The following MINDY3 variants were observed in gnomAD, a reference collection of about 807,000 sequenced individuals.
The protein encoded by MINDY3 is ubiquitin carboxyl-terminal hydrolase MINDY-3.
In MINDY3, 38 loss-of-function variants were observed where a neutral mutation model predicts 69.2. That is an observed-to-expected ratio of 0.55 (90% CI 0.42 to 0.72). The LOEUF is 0.72. MINDY3 is among the 30% of genes least tolerant of loss of function. MINDY3 has a pLI of 0.00. For synonymous variants in MINDY3, 192 were observed against 180.1 expected (o/e 1.07, Z -0.53); for missense variants, 522 against 519.0 (o/e 1.01, Z -0.06).
At chr10:15,804,177 T>C (rs772461060) in intron 10 of MINDY3, among the ~76,000 whole-genome samples, 1 of 151,996 alleles carries the variant, frequency 6.6e-6, no homozygotes, top group Non-Finnish European at 1.5e-5. Flanking sequence ...CAAAACAATA[T>C]AGCTTTTAAA....
chr10:15,837,099 T>C (rs1353539114), intron 6 of MINDY3, 105 bp downstream of exon 6: 1 of 633,406 alleles, frequency 1.6e-6, no homozygotes, highest in Non-Finnish European at 2.7e-6. Flanking sequence ...ATTTTTATTC[T>C]AAGAATTTAA....
chr10:15,828,857 A>G (rs940507901), intron 8 of MINDY3, among the ~76,000 whole-genome samples: 1 of 152,218 alleles, frequency 6.6e-6, no homozygotes, highest in Non-Finnish European at 1.5e-5. Flanking sequence ...AGTAGGAGGC[A>G]GGCAATATAG....
chr10:15,843,132 C>A (rs1291976639), intron 3 of MINDY3, 80 bp downstream of exon 3: 9 of 1,190,078 alleles, frequency 7.6e-6, no homozygotes, highest in African/African-American at 3.1e-5. Flanking sequence ...CCCACTGATA[C>A]TTGACTTTCT....
chr10:15,853,494 A>G (rs1403718316), intron 1 of MINDY3, among the ~76,000 whole-genome samples: 1 of 151,504 alleles, frequency 6.6e-6, no homozygotes, highest in Non-Finnish European at 1.5e-5. Flanking sequence ...GTCCTAAAAA[A>G]CACCCCCATA....
At chr10:15,793,109 T>C (rs1359855432) in intron 11 of MINDY3, among the ~76,000 whole-genome samples, 1 of 152,184 alleles carries the variant, frequency 6.6e-6, no homozygotes, top group Non-Finnish European at 1.5e-5. Flanking sequence ...AATATATCTT[T>C]ATCAATCATT....
intron 9 of MINDY3, among the ~76,000 whole-genome samples, chr10:15,818,598 C>T (rs1204011574): frequency 6.6e-6 from 1 of 152,028 alleles, no homozygotes; most frequent in Admixed American, 6.6e-5. Context: ...TAGAAACAAC[C>T]CAACTGATGA....
chr10:15,794,830 T>C (rs553294209), intron 11 of MINDY3, among the ~76,000 whole-genome samples: 1 of 152,196 alleles, frequency 6.6e-6, no homozygotes, highest in African/African-American at 2.4e-5. Context: ...TTCAGTATCT[T>C]TGCAGCATTG....
intron 10 of MINDY3, among the ~76,000 whole-genome samples, chr10:15,799,019 A>C (rs1426453843): frequency 6.6e-6 from 1 of 152,038 alleles, no homozygotes; most frequent in Non-Finnish European, 1.5e-5. Flanking sequence ...CCACAGAGTA[A>C]ATTTTTATAG....
intron 4 of MINDY3, 50 bp from the exon 5 acceptor site, chr10:15,838,329 C>T (rs1289190804): frequency 6.7e-7 from 1 of 1,486,514 alleles, no homozygotes; most frequent in South Asian, 1.3e-5. Flanking sequence ...ATAAATGACA[C>T]AAGATACACA....
chr10:15,784,047 T>C (rs1234671970), intron 13 of MINDY3, among the ~76,000 whole-genome samples: 2 of 152,186 alleles, frequency 1.3e-5, no homozygotes, highest in Non-Finnish European at 1.5e-5. Flanking sequence ...TCTTAAGTTC[T>C]CTAATCTTCA....
rs1423455892 is a variant in MINDY3, at chr10:15,847,885, A to G, written c.153T>C (p.Cys51=). ...TTACCTGAACAGGTGCAATAACAGC[A>G]CAGGGGCCACCTTCAAACTGTTCTA... is the stretch of plus-strand genomic sequence containing the variant. ...SALEQFEGGP[C]AVIAPVQAFL... Residue 51 remains cysteine, a synonymous_variant, in exon 2 of 15, where the codon TGT becomes TGC. Coordinates refer to ENST00000277632, the MANE Select transcript of MINDY3 (RefSeq NM_024948.4). The G allele has an allele frequency of 1.2e-6, 2 of 1,614,048 alleles. No individual in the cohort carries two copies. The highest frequency in any genetic ancestry group is 1.7e-6 in the Non-Finnish European group (2 of 1,179,896).
chr10:15,796,645 C>T (rs542308013), intron 10 of MINDY3, among the ~76,000 whole-genome samples: 53 of 151,988 alleles, frequency 3.5e-4, no homozygotes, highest in African/African-American at 1.3e-3. Context: ...GATAGCAATG[C>T]ATTAAAAATT....
intron 1 of MINDY3, among the ~76,000 whole-genome samples, chr10:15,853,347 A>G (rs991308884): frequency 2.6e-5 from 4 of 152,132 alleles, no homozygotes; most frequent in African/African-American, 7.2e-5. Flanking sequence ...AATTATTTAC[A>G]TGATAAAACT....
intron 12 of MINDY3, among the ~76,000 whole-genome samples, 167 bp from the exon 13 acceptor site, chr10:15,786,815 C>A (rs1837006671): frequency 6.6e-6 from 1 of 152,020 alleles, no homozygotes; most frequent in Admixed American, 6.6e-5. Flanking sequence ...ATCTAATTTG[C>A]CAAACTTGGT....
At chr10:15,853,899 GGA>G (rs1175179304) in intron 1 of MINDY3, among the ~76,000 whole-genome samples, 1 of 152,034 alleles carries the variant, frequency 6.6e-6, no homozygotes, top group Middle Eastern at 3.2e-3. Flanking sequence ...GCAGTAACTT[GGA>G]ACACTTGTGT....
chr10:15,781,192 GA>G (rs1407082579), intron 14 of MINDY3, among the ~76,000 whole-genome samples: 2 of 151,718 alleles, frequency 1.3e-5, no homozygotes, highest in Non-Finnish European at 2.9e-5. Flanking sequence ...CTTTGGACCT[GA>G]CAAAAACATC....
chr10:15,798,818 TAGAA>T (rs1203670143), intron 10 of MINDY3, among the ~76,000 whole-genome samples: 4 of 151,922 alleles, frequency 2.6e-5, no homozygotes, highest in African/African-American at 9.7e-5. Flanking sequence ...TATGCCAACG[TAGAA>T]AGAAATTAAA....
intron 2 of MINDY3, among the ~76,000 whole-genome samples, chr10:15,847,219 A>T (rs1833914996): frequency 6.6e-6 from 1 of 152,242 alleles, no homozygotes; most frequent in Non-Finnish European, 1.5e-5. Flanking sequence ...TCTTGGTTTT[A>T]ACAATTTAAC....
At chr10:15,825,959 A>C (rs1457527430) in intron 8 of MINDY3, among the ~76,000 whole-genome samples, 2 of 152,172 alleles carry the variant, frequency 1.3e-5, no homozygotes, top group African/African-American at 2.4e-5. Flanking sequence ...AAATAAAAAT[A>C]ATCATCAAAT....
Sources: gnomAD v4.1 joint callset for allele counts (sites outside exome capture counted in the v4.1 genomes callset) on GRCh38, gnomAD v4.1.1 for gene constraint, MANE v1.5 for transcripts, NCBI Gene and HGNC (gene_info 2026-07-23, HGNC 2026-07-21) for gene names.